Variants in ANK3 observed in about 807,000 individuals in gnomAD.
ANK3 encodes the protein ankyrin-3.
In ANK3, 57 loss-of-function variants were observed where a neutral mutation model predicts 370.9. The observed-to-expected ratio is 0.15, with a 90% CI of 0.12 to 0.19. The LOEUF (loss-of-function observed/expected upper bound fraction) is 0.19, where lower values mean the gene tolerates loss of function less well. Ranked by LOEUF, ANK3 falls within the 10% of genes least tolerant of loss-of-function variation. The probability of loss-of-function intolerance (pLI) is 1.00; values close to 1 mark genes in which losing one functional copy is unlikely to be tolerated. For synonymous variants in ANK3, 1,929 were observed against 1,946.3 expected, an observed-to-expected ratio of 0.99 and a Z score of 0.23; for missense variants, 4,439 against 5,302.1, an observed-to-expected ratio of 0.84 and a Z score of 5.06.
intron 1 of ANK3, among the ~76,000 whole-genome samples, chr10:60,646,856 C>T (rs1219382261): frequency 6.6e-6 from 1 of 152,034 alleles, no homozygotes; most frequent in African/African-American, 2.4e-5. Flanking sequence ...GAAATGTGTC[C>T]CTGGGATTTA....
At chr10:60,727,722 T>C (rs2079961506) in intron 1 of ANK3, among the ~76,000 whole-genome samples, 1 of 152,108 alleles carries the variant, frequency 6.6e-6, no homozygotes, top group Admixed American at 6.5e-5. Context: ...CTCAGTTCTC[T>C]CATATCTAAT....
Position 60,326,947 on chromosome 10 carries a change from G to A in ANK3, c.115-47308C>T, listed in dbSNP as rs898882992. 5.7e-4 allele frequency among the ~76,000 whole-genome samples: 87 copies of A among 151,860 alleles called. 1 individual carries two copies. The highest frequency in any genetic ancestry group is 8.4e-4 in the Non-Finnish European group (57 of 68,020). On this transcript the variant is annotated intron_variant, in intron 1 of 43. Coordinates refer to ENST00000280772, the MANE Select transcript of ANK3 (RefSeq NM_020987.5). ...AGGCAGGAGAATGGCTTGAACCCAG[G>A]AGGCGGAGCTTGTAGTGAGCGGAAA...
At chr10:60,234,613 A>G in intron 8 of ANK3, 75 bp downstream of exon 8, 2 of 799,824 alleles carry the variant, frequency 2.5e-6, no homozygotes, top group Non-Finnish European at 4.3e-6. Flanking sequence ...ATGTTGTATC[A>G]GTGCAAAGGT....
rs981533760 is a variant in ANK3 at position 60,055,803 on chromosome 10, A to G, written c.12920T>C (p.Leu4307Pro). ...TATTATAAGCTTGCTGGTTTCTTCT[A>G]GAGATTTCTGATATGCTGCTAGTGG... ...ASPLAAYQKS[L>P]EETSKLIIEE... is the part of the protein sequence containing the mutation. Residue 4307 changes from leucine (L) to proline (P), a missense_variant, in exon 42 of 44, where the codon CTA becomes CCA. Leu to Pro is a moderately conservative substitution (Grantham distance 98, BLOSUM62 -3). Transcript: ENST00000280772. 4 of 1,614,026 alleles carry G rather than the reference A, an allele frequency of 2.5e-6. No individual in the cohort carries two copies. The highest frequency in any genetic ancestry group is 1.3e-5 in the African/African-American group (1 of 74,936).
At chr10:60,585,947 C>A (rs557113052) in intron 2 of ANK3, among the ~76,000 whole-genome samples, 2 of 152,066 alleles carry the variant, frequency 1.3e-5, no homozygotes, top group East Asian at 3.9e-4. Context: ...TTGATTGAAC[C>A]CCAGAGGCAG....
intron 27 of ANK3, 87 bp from the exon 28 acceptor site, chr10:60,106,146 T>C: frequency 3.2e-6 from 4 of 1,246,416 alleles, no homozygotes; most frequent in Non-Finnish European, 4.4e-6. Context: ...ACAGTATTCA[T>C]TTGAAAATCA....
At chr10:60,400,731 G>A (rs946753145) in intron 2 of ANK3, among the ~76,000 whole-genome samples, 1 of 151,964 alleles carries the variant, frequency 6.6e-6, no homozygotes, top group Non-Finnish European at 1.5e-5. Flanking sequence ...TAAGTTCTTG[G>A]GTGCATGTGC....
chr10:60,152,137 C>T (rs2095152186), intron 23 of ANK3, among the ~76,000 whole-genome samples: 1 of 152,148 alleles, frequency 6.6e-6, no homozygotes, highest in Non-Finnish European at 1.5e-5. Context: ...TGTATACACC[C>T]TAAGACCTAT....
chr10:60,281,498 G>A (rs1047146882), intron 1 of ANK3, among the ~76,000 whole-genome samples: 10 of 152,208 alleles, frequency 6.6e-5, no homozygotes, highest in African/African-American at 2.2e-4. Context: ...CACTTGAGGA[G>A]GCTTAACTCT....
chr10:60,158,190 T>C (rs1166150019), intron 23 of ANK3, among the ~76,000 whole-genome samples: 1 of 152,130 alleles, frequency 6.6e-6, no homozygotes, highest in Non-Finnish European at 1.5e-5. Context: ...AGAGATTTCA[T>C]GAAAAACCAG....
chr10:60,172,148 A>G (rs377372098), intron 21 of ANK3, among the ~76,000 whole-genome samples, 160 bp downstream of exon 21: 5 of 152,372 alleles, frequency 3.3e-5, no homozygotes, highest in African/African-American at 1.2e-4. Flanking sequence ...CATATTAGCA[A>G]TAAGAGTTTT....
intron 1 of ANK3, among the ~76,000 whole-genome samples, chr10:60,372,794 T>C (rs778383182): frequency 4.6e-5 from 7 of 152,232 alleles, no homozygotes; most frequent in South Asian, 2.1e-4. Flanking sequence ...GATGTATTTA[T>C]ATAAATCCTA....
At chr10:60,491,891 T>C (rs2075516786) in intron 2 of ANK3, among the ~76,000 whole-genome samples, 1 of 152,108 alleles carries the variant, frequency 6.6e-6, no homozygotes, top group Non-Finnish European at 1.5e-5. Flanking sequence ...CTCACAGTAT[T>C]TTTGCATGGC....
chr10:60,218,666 G>A (rs1172522350), intron 8 of ANK3, among the ~76,000 whole-genome samples: 1 of 151,934 alleles, frequency 6.6e-6, no homozygotes, highest in East Asian at 1.9e-4. Context: ...TAGTCTGATG[G>A]GCTTCCCTTT....
In ANK3 at chr10:60,258,722, G is replaced by T. The variant is rs1285521653; in HGVS notation, c.798+3137C>A. On this transcript the variant is annotated intron_variant, in intron 7 of 43. Coordinates refer to ENST00000280772, the MANE Select transcript of ANK3 (RefSeq NM_020987.5). Reference sequence around the variant, plus strand: ...TTTGCTAGCAGGTGGTCACTCTCTGGGACATTCCCTCAGTCTACAGTGCTA... The same window carrying T: ...TTTGCTAGCAGGTGGTCACTCTCTGTGACATTCCCTCAGTCTACAGTGCTA... Among the ~76,000 whole-genome samples, 4 of 152,018 alleles carry T rather than the reference G, an allele frequency of 2.6e-5. No individual in the cohort carries two copies. The South Asian group carries it at 8.3e-4, about 32-fold the overall frequency.
rs558367212 is a variant in ANK3, at chr10:60,621,792, A to G, written c.58-6568T>C. Among the ~76,000 whole-genome samples, 228 of 152,288 alleles carry G rather than the reference A, an allele frequency of 1.5e-3. 7 individuals are homozygous for G. Among genetic ancestry groups the G allele is most frequent in the Non-Finnish European group, 1.9e-3 (126 of 68,020 alleles). On this transcript the variant is annotated intron_variant, in intron 1 of 43. Transcript: ENST00000373827. Reference sequence around the variant, plus strand: ...AAGAACAAAGACAAATACTACCACTATGGATCCAGGAGCAGGTCTGATCCA... The same window carrying G: ...AAGAACAAAGACAAATACTACCACTGTGGATCCAGGAGCAGGTCTGATCCA...
chr10:60,652,704 A>AC (rs1373942340), intron 1 of ANK3, among the ~76,000 whole-genome samples: 1 of 151,636 alleles, frequency 6.6e-6, no homozygotes, highest in Non-Finnish European at 1.5e-5. Flanking sequence ...AAAAAAAAAA[A>AC]AAAAAACTAA....
In ANK3 at chr10:60,240,304, A is replaced by AT. The variant is rs1305756045; in HGVS notation, c.799-5519dup. On this transcript the variant is annotated intron_variant, in intron 7 of 43. Transcript: ENST00000280772. ...CACATATATATATATATATATATAT[A>AT]TATTTTTTTTTCTTTTTGAGATAGA... 8.9e-3 allele frequency among the ~76,000 whole-genome samples: 777 copies of AT among 87,628 alleles called. 26 individuals are homozygous for AT. The highest frequency in any genetic ancestry group is 0.022 in the South Asian group (67 of 3,028). 57.5% of individuals were successfully genotyped at this position (87,628 alleles called of 152,430 possible). A position where few individuals can be genotyped will look rare whatever the true frequency, so the allele number is the denominator to read the frequency against.
Position 60,073,771 on chromosome 10 carries a change from A to T in ANK3, c.7110T>A (p.Ile2370=). The change falls in exon 37 of 44, where the codon ATT becomes ATA. Residue 2370 remains isoleucine, a synonymous_variant. Coordinates refer to ENST00000280772, the MANE Select transcript of ANK3 (RefSeq NM_020987.5). ...VYQKDLSRGD[I]NLKDFLPEKH... Reference sequence around the variant, plus strand: ...TTTCTGGCAGAAAATCTTTTAGGTTAATATCTCCCCGGGATAAGTCTTTCT... The same window carrying T: ...TTTCTGGCAGAAAATCTTTTAGGTTTATATCTCCCCGGGATAAGTCTTTCT... 6.2e-7 allele frequency: 1 copy of T among 1,613,778 alleles called. No individual in the cohort carries two copies. The highest frequency in any genetic ancestry group is 8.5e-7 in the Non-Finnish European group (1 of 1,179,990).
Sources: allele counts gnomAD v4.1 joint callset (sites outside exome capture counted in the v4.1 genomes callset), GRCh38; gene constraint gnomAD v4.1.1; transcripts MANE v1.5; gene names NCBI Gene and HGNC (gene_info 2026-07-23, HGNC 2026-07-21).